The following CHODL variants were observed in gnomAD, a reference collection of about 807,000 sequenced individuals.
CHODL encodes transmembrane protein MT75.
Under a neutral mutation model 34.5 loss-of-function variants are expected in CHODL, and 29 were observed. That is an observed-to-expected ratio of 0.84 (90% confidence interval 0.63 to 1.15). The LOEUF is 1.15. Ranked by LOEUF, CHODL falls within the 50% of genes most tolerant of loss-of-function variation. The probability of loss-of-function intolerance (pLI) is 0.00; values close to 1 mark genes in which losing one functional copy is unlikely to be tolerated. For synonymous variants in CHODL, 125 were observed against 116.1 expected (o/e 1.08, Z -0.49); for missense variants, 332 against 332.5 (o/e 1.00, Z 0.01).
chr21:17,965,903 A>C (rs1015957764), intron 1 of CHODL, among the ~76,000 whole-genome samples: 1 of 118,652 alleles, frequency 8.4e-6, no homozygotes, highest in Non-Finnish European at 1.8e-5. Flanking sequence ...ACCTATCAAG[A>C]GAAGGTAATT....
intron 2 of CHODL, among the ~76,000 whole-genome samples, chr21:18,062,790 C>T (rs918252064): frequency 6.6e-6 from 1 of 151,916 alleles, no homozygotes; most frequent in African/African-American, 2.4e-5. Flanking sequence ...GTGGAGATTA[C>T]AGACATGAGC....
At chr21:18,217,806 A>G (rs1335917333) in intron 2 of CHODL, among the ~76,000 whole-genome samples, 1 of 152,168 alleles carries the variant, frequency 6.6e-6, no homozygotes, top group Non-Finnish European at 1.5e-5. Context: ...CATTGGGTAA[A>G]TACACCCATT....
chr21:18,009,579 C>A (rs2063992083), intron 1 of CHODL, among the ~76,000 whole-genome samples: 1 of 151,976 alleles, frequency 6.6e-6, no homozygotes, highest in African/African-American at 2.4e-5. Context: ...TGCTATACAA[C>A]CTAATTGAAA....
At chr21:17,963,255 T>C (rs2063546884) in intron 1 of CHODL, among the ~76,000 whole-genome samples, 1 of 152,162 alleles carries the variant, frequency 6.6e-6, no homozygotes, top group African/African-American at 2.4e-5. Flanking sequence ...TAGAGTTAGT[T>C]GAAACCCTTC....
At chr21:18,132,931 T>G (rs557979558) in intron 2 of CHODL, among the ~76,000 whole-genome samples, 3 of 151,986 alleles carry the variant, frequency 2.0e-5, no homozygotes, top group Non-Finnish European at 2.9e-5. Flanking sequence ...CAAATATGAG[T>G]TTTTTTGCTA....
chr21:18,185,084 T>C (rs1355392480), intron 2 of CHODL, among the ~76,000 whole-genome samples: 1 of 152,174 alleles, frequency 6.6e-6, no homozygotes, highest in Non-Finnish European at 1.5e-5. Flanking sequence ...GCAGGTTTGT[T>C]ACATAGGTAT....
chr21:18,111,442 A>T (rs1343637259), intron 2 of CHODL, among the ~76,000 whole-genome samples: 1 of 152,124 alleles, frequency 6.6e-6, no homozygotes, highest in Non-Finnish European at 1.5e-5. Flanking sequence ...TGGGGATGGG[A>T]CTCTACTAGT....
chr21:18,016,660 A>C (rs1381130675), intron 1 of CHODL, among the ~76,000 whole-genome samples: 1 of 152,190 alleles, frequency 6.6e-6, no homozygotes. Context: ...TAGTGGACCT[A>C]TGAAAAGAGG....
intron 2 of CHODL, among the ~76,000 whole-genome samples, chr21:18,156,813 T>C (rs1201766149): frequency 6.6e-6 from 1 of 152,164 alleles, no homozygotes; most frequent in African/African-American, 2.4e-5. Context: ...TCTTCTCTGC[T>C]CTACATGTCT....
rs111791099 is a variant in CHODL, at chr21:18,234,547, C to T, written c.-44-21962C>T. Among the ~76,000 whole-genome samples the T allele has an allele frequency of 3.6e-3, 548 of 152,138 alleles. 6 individuals are homozygous for T. Among genetic ancestry groups the T allele is most frequent in the African/African-American group, 0.012 (509 of 41,526 alleles). On this transcript the variant is annotated intron_variant, in intron 2 of 6. Transcript: ENST00000400127. ...TCATGAAAGAAATGGTTCTTTGTAA[C>T]ATTTACGCAATATCTGGGGTAAAAG...
At chr21:18,264,447 C>T (rs934575658) in intron 5 of CHODL, among the ~76,000 whole-genome samples, 1 of 151,654 alleles carries the variant, frequency 6.6e-6, no homozygotes, top group South Asian at 2.1e-4. Context: ...ACTAAAAATA[C>T]AAAAAATAGC....
intron 2 of CHODL, among the ~76,000 whole-genome samples, chr21:18,174,826 A>T (rs1306291707): frequency 6.6e-6 from 1 of 152,200 alleles, no homozygotes. Flanking sequence ...AGATCAAACC[A>T]AATTTAAAAT....
In CHODL at chr21:18,266,819, C is replaced by A. The variant is rs2074468445; in HGVS notation, c.*781C>A. On this transcript the variant is annotated 3_prime_UTR_variant, in exon 6 of 6. Coordinates refer to ENST00000299295, the MANE Select transcript of CHODL (RefSeq NM_024944.3). Reference sequence around the variant, plus strand: ...AATAATGTAACTTTGTTAATAGGTGCATAAACACTAATGCAGTCAATTTGA... The same window carrying A: ...AATAATGTAACTTTGTTAATAGGTGAATAAACACTAATGCAGTCAATTTGA... 1.3e-5 allele frequency: 2 copies of A among 152,640 alleles called. No individual in the cohort carries two copies. The highest frequency in any genetic ancestry group is 4.8e-5 in the African/African-American group (2 of 41,422). 9.5% of individuals were successfully genotyped at this position (152,640 alleles called of 1,614,324 possible).
At chr21:17,958,260 A>AC (rs2063507432) in intron 1 of CHODL, among the ~76,000 whole-genome samples, 1 of 152,034 alleles carries the variant, frequency 6.6e-6, no homozygotes, top group South Asian at 2.1e-4. Context: ...TCCAAATGAT[A>AC]GTTTTCTATT....
At chr21:18,066,558 G>A (rs1012790776) in intron 2 of CHODL, among the ~76,000 whole-genome samples, 2 of 152,114 alleles carry the variant, frequency 1.3e-5, no homozygotes, top group African/African-American at 4.8e-5. Context: ...GGGAGAAAAG[G>A]AAACAAATCA....
At chr21:18,153,676 G>A (rs546600205) in intron 2 of CHODL, among the ~76,000 whole-genome samples, 140 of 152,186 alleles carry the variant, frequency 9.2e-4, no homozygotes, top group Middle Eastern at 6.8e-3. Context: ...TGAGCTGAAA[G>A]CAGTTGAAAA....
intron 2 of CHODL, among the ~76,000 whole-genome samples, chr21:18,167,383 C>G (rs753888927): frequency 1.4e-5 from 2 of 147,964 alleles, no homozygotes; most frequent in Non-Finnish European, 3.0e-5. Flanking sequence ...GATCTCAGCT[C>G]ACTGCAAGCT....
At chr21:18,007,022 G>A (rs904643469) in intron 1 of CHODL, among the ~76,000 whole-genome samples, 10 of 152,158 alleles carry the variant, frequency 6.6e-5, no homozygotes, top group Admixed American at 3.3e-4. Flanking sequence ...TTAAACGTAA[G>A]TATATTGTGT....
Position 18,266,492 on chromosome 21 carries a change from G to A in CHODL, c.*454G>A. 6.0e-6 allele frequency: 1 copy of A among 167,868 alleles called. No individual in the cohort carries two copies. The allele number at this position is 167,868 out of a possible 1,614,324, so 10.4% of individuals were successfully genotyped here. ...GAACTGTTCTAATATTTATTTTTATGGCATCTCATTTTTCAATACATGCTC... is the reference window on the plus strand; with the variant it reads ...GAACTGTTCTAATATTTATTTTTATAGCATCTCATTTTTCAATACATGCTC... On this transcript the variant is annotated 3_prime_UTR_variant, in exon 6 of 6. Transcript: ENST00000299295.
Sources: allele counts gnomAD v4.1 joint callset (sites outside exome capture counted in the v4.1 genomes callset), GRCh38; gene constraint gnomAD v4.1.1; transcripts MANE v1.5; gene names NCBI Gene and HGNC (gene_info 2026-07-23, HGNC 2026-07-21).